Variants in THSD7A observed in about 807,000 individuals in gnomAD.
THSD7A encodes the protein thrombospondin type 1 domain containing 7A.
THSD7A carries 96 observed loss-of-function variants against 231.3 expected under a neutral mutation model. The observed-to-expected ratio is 0.41, with a 90% CI of 0.35 to 0.49. THSD7A has a LOEUF of 0.49. THSD7A is among the 20% of genes least tolerant of loss of function. THSD7A has a pLI of 0.05. For missense variants in THSD7A, 2,290 were observed against 2,070.2 expected (o/e 1.11, Z -2.06); for synonymous variants, 940 against 743.3 (o/e 1.26, Z -4.30).
intron 6 of THSD7A, among the ~76,000 whole-genome samples, chr7:11,493,961 C>A (rs982572475): frequency 2.0e-4 from 30 of 152,006 alleles, no homozygotes; most frequent in African/African-American, 6.8e-4. Flanking sequence ...TGAAGAAACA[C>A]ACACACACAT....
chr7:11,476,997 G>A (rs889335522), intron 7 of THSD7A, among the ~76,000 whole-genome samples: 1 of 152,064 alleles, frequency 6.6e-6, no homozygotes, highest in Non-Finnish European at 1.5e-5. Flanking sequence ...ATGTTAGTGT[G>A]TACTTCCTAT....
chr7:11,703,158 A>T (rs557091821), intron 1 of THSD7A, among the ~76,000 whole-genome samples: 122 of 151,354 alleles, frequency 8.1e-4, no homozygotes, highest in Non-Finnish European at 9.8e-4. Context: ...GTGAGCCAGC[A>T]CGTGTGTTGT....
Position 11,636,746 on chromosome 7 carries a change from T to A in THSD7A, c.406A>T (p.Ile136Phe), listed in dbSNP as rs768124425. The A allele has an allele frequency of 1.9e-5, 31 of 1,613,972 alleles. 1 individual carries two copies. The South Asian group carries it at 3.4e-4, about 18-fold the overall frequency. Residue 136 changes from isoleucine to phenylalanine, a missense_variant, in exon 2 of 28, where the codon ATT (isoleucine) becomes TTT (phenylalanine). By Grantham distance (21) the Ile-to-Phe change is conservative. Coordinates refer to ENST00000423059, the MANE Select transcript of THSD7A (RefSeq NM_015204.3). The surrounding 1 kb of genome is among the most constrained non-coding windows in gnomAD (Gnocchi z 10.0). ...AGAGGTTTCTCTAGGCTTTTTGAAA[T>A]CACGGGCTGACACTGATTCCAAGGT... is the stretch of plus-strand genomic sequence containing the variant. ...LGPWNQCQPV[I>F]SKSLEKPLEC...
intron 1 of THSD7A, among the ~76,000 whole-genome samples, chr7:11,743,889 T>G (rs1440201909): frequency 6.6e-6 from 1 of 151,956 alleles, no homozygotes; most frequent in Non-Finnish European, 1.5e-5. Context: ...ATCATAGCAA[T>G]GTACTTGAAC....
chr7:11,466,825 T>C (rs908602625), intron 9 of THSD7A, among the ~76,000 whole-genome samples: 5 of 152,000 alleles, frequency 3.3e-5, no homozygotes, highest in African/African-American at 1.2e-4. Flanking sequence ...CAGGAGAGAA[T>C]AGTATCCTAG....
chr7:11,737,769 C>T (rs16877173), intron 1 of THSD7A, among the ~76,000 whole-genome samples: 6,235 of 151,992 alleles, frequency 0.041, 169 homozygotes, highest in East Asian at 0.14. Flanking sequence ...TCAAAAGATA[C>T]CCACAGATCT....
At chr7:11,697,268 G>T (rs1363540414) in intron 1 of THSD7A, among the ~76,000 whole-genome samples, 2 of 151,172 alleles carry the variant, frequency 1.3e-5, no homozygotes, top group African/African-American at 2.4e-5. Flanking sequence ...TTCCATACCT[G>T]GAATAACCTC....
At chr7:11,405,658 TAAAC>T (rs1783557986) in intron 22 of THSD7A, among the ~76,000 whole-genome samples, 1 of 152,212 alleles carries the variant, frequency 6.6e-6, no homozygotes, top group Non-Finnish European at 1.5e-5. Flanking sequence ...TACTATTTGA[TAAAC>T]AAAATTTTCT....
rs1367015159 is a variant in THSD7A, at chr7:11,471,553, A to G, written c.2253-1559T>C. On this transcript the variant is annotated intron_variant, in intron 8 of 27. Transcript: ENST00000423059. ...TATGCTTTATTCAATTATATAGATC[A>G]ATGCTCTCCTCTCTTACTTTAAAAC... Among the ~76,000 whole-genome samples the G allele has an allele frequency of 2.0e-5, 3 of 151,990 alleles. No homozygotes were observed. In the East Asian group the frequency reaches 5.8e-4, roughly 29 times the overall value.
chr7:11,618,636 A>C (rs147224176), intron 2 of THSD7A, among the ~76,000 whole-genome samples: 2 of 152,110 alleles, frequency 1.3e-5, no homozygotes, highest in South Asian at 2.1e-4. Context: ...CGTCTCTACT[A>C]AAAATACAAA....
intron 15 of THSD7A, 106 bp from the exon 16 acceptor site, chr7:11,424,935 C>T (rs1784270005): frequency 7.4e-7 from 1 of 1,357,022 alleles, no homozygotes; most frequent in African/African-American, 1.4e-5. Flanking sequence ...TACTTTCACT[C>T]CCCTCCTTTA....
intron 17 of THSD7A, chr7:11,413,981 C>T (rs548943565): frequency 1.3e-5 from 2 of 152,270 alleles, no homozygotes; most frequent in Non-Finnish European, 2.9e-5. Context: ...TTTGAAAAAC[C>T]CCTACCTAGG....
At chr7:11,694,976 G>T (rs966942817) in intron 1 of THSD7A, among the ~76,000 whole-genome samples, 8 of 151,460 alleles carry the variant, frequency 5.3e-5, no homozygotes, top group Non-Finnish European at 1.2e-4. Flanking sequence ...CTACATGGCA[G>T]AATTCTTACC....
In THSD7A at chr7:11,474,858, C is replaced by T. The variant is rs957340653; in HGVS notation, c.2018-290G>A. 5.9e-5 allele frequency among the ~76,000 whole-genome samples: 9 copies of T among 152,014 alleles called. No homozygotes were observed. The highest frequency in any genetic ancestry group is 1.2e-4 in the Non-Finnish European group (8 of 67,982). The stretch of plus-strand genomic sequence containing the variant: ...GATAGAATGAAATAATTATATTGTG[C>T]GGTATTTAGTATAACTGGGATTCAA... On this transcript the variant is annotated intron_variant, in intron 7 of 27. Coordinates refer to ENST00000423059, the MANE Select transcript of THSD7A (RefSeq NM_015204.3). This position sits in a 1 kb window ranked among gnomAD's most constrained non-coding sequence, Gnocchi z 4.1.
intron 4 of THSD7A, among the ~76,000 whole-genome samples, chr7:11,578,347 T>C (rs1057248216): frequency 1.3e-5 from 2 of 152,186 alleles, no homozygotes; most frequent in Admixed American, 6.5e-5. Context: ...ATAAGAGATA[T>C]AGAATGAATT....
At position 11,637,869 on chromosome 7, in the gene THSD7A, C is replaced by T. The variant is rs1420572041; in HGVS notation, c.191-908G>A. 6.6e-6 allele frequency among the ~76,000 whole-genome samples: 1 copy of T among 152,004 alleles called. No individual in the cohort carries two copies. Among genetic ancestry groups the T allele is most frequent in the Non-Finnish European group, 1.5e-5 (1 of 68,032 alleles). ...AAGGTAGATGATATGATTTTCAGTA[C>T]TTTAATAGACAGATCCCAATTTACG... On this transcript the variant is annotated intron_variant, in intron 1 of 27. Coordinates refer to ENST00000423059, the MANE Select transcript of THSD7A (RefSeq NM_015204.3). The surrounding 1 kb of genome is among the most constrained non-coding windows in gnomAD (Gnocchi z 4.2).
intron 4 of THSD7A, among the ~76,000 whole-genome samples, chr7:11,552,557 C>A (rs1789675393): frequency 1.3e-5 from 2 of 151,840 alleles, no homozygotes; most frequent in Admixed American, 1.3e-4. Context: ...GAAAAAATTA[C>A]TTAGGCAGAT....
intron 1 of THSD7A, among the ~76,000 whole-genome samples, chr7:11,728,710 C>T (rs1406307096): frequency 6.6e-6 from 1 of 151,752 alleles, no homozygotes; most frequent in African/African-American, 2.4e-5. Flanking sequence ...CTAATATTCC[C>T]TGAAAATATT....
In THSD7A at chr7:11,630,879, T is replaced by C. The variant is rs1781624509; in HGVS notation, c.1022+5251A>G. Among the ~76,000 whole-genome samples, 3 of 152,238 alleles carry C rather than the reference T, an allele frequency of 2.0e-5. No homozygotes were observed. In the South Asian group the frequency reaches 6.2e-4, roughly 31 times the overall value. ...TGAGGAGAAGGTGAGCTGCATCAGG[T>C]AGAGCATTCCAGAGGTGAGGATGCA... On this transcript the variant is annotated intron_variant, in intron 2 of 27. Coordinates refer to ENST00000423059, the MANE Select transcript of THSD7A (RefSeq NM_015204.3).
Sources: gnomAD v4.1 joint callset for allele counts (sites outside exome capture counted in the v4.1 genomes callset) on GRCh38, gnomAD v4.1.1 for gene constraint, Gnocchi (gnomAD v3.1) non-coding constraint, MANE v1.5 for transcripts, NCBI Gene and HGNC (gene_info 2026-07-23, HGNC 2026-07-21) for gene names.